RBPMS: variants seen among roughly 807,000 people sequenced by gnomAD.
RBPMS encodes RNA binding protein, mRNA processing factor, also known as RNA-binding protein with multiple splicing.
Under a neutral mutation model 26.8 loss-of-function variants are expected in RBPMS, and 7 were observed. The observed-to-expected ratio is 0.26, with a 90% CI of 0.15 to 0.49. The LOEUF is 0.49. RBPMS is among the 20% of genes least tolerant of loss of function. The probability of loss-of-function intolerance (pLI) is 0.98; values close to 1 mark genes in which losing one functional copy is unlikely to be tolerated. For missense variants in RBPMS, 186 were observed against 250.0 expected (o/e 0.74, Z 1.73); for synonymous variants, 96 against 93.3 (o/e 1.03, Z -0.17).
chr8:30,539,597 A>AT (rs570268546), intron 5 of RBPMS, among the ~76,000 whole-genome samples: 1,756 of 142,284 alleles, frequency 0.012, 35 homozygotes, highest in African/African-American at 0.039. Context: ...CAAATGGTTG[A>AT]TTTTTTTTTT....
rs557408295 is a variant in RBPMS, at chr8:30,513,642, C to T, written c.397+9206C>T. ...CAGGGACTCGAATCTCCTTGGATAT[C>T]ACATATTTCTATTGTAATGCAAATA... On this transcript the variant is annotated intron_variant, in intron 5 of 8. Transcript: ENST00000397323. 2.1e-5 allele frequency among the ~76,000 whole-genome samples: 3 copies of T among 145,914 alleles called. No individual in the cohort carries two copies. The South Asian group carries it at 6.8e-4, about 33-fold the overall frequency.
chr8:30,511,085 T>C (rs1462756568), intron 5 of RBPMS, among the ~76,000 whole-genome samples: 1 of 150,392 alleles, frequency 6.6e-6, no homozygotes, highest in Admixed American at 6.6e-5. Context: ...GCCGAGGTGA[T>C]CTCAAGTGAT....
chr8:30,545,124 G>A (rs780840861), intron 6 of RBPMS: 16 of 1,326,410 alleles, frequency 1.2e-5, no homozygotes, highest in Non-Finnish European at 1.6e-5. Flanking sequence ...TCTTAAATAT[G>A]TTACAGGAAA....
At chr8:30,554,293 A>G (rs1826649769) in intron 6 of RBPMS, among the ~76,000 whole-genome samples, 1 of 152,194 alleles carries the variant, frequency 6.6e-6, no homozygotes, top group Non-Finnish European at 1.5e-5. Context: ...TCTTAGATCC[A>G]CCAAATGCTA....
Position 30,566,286 on chromosome 8 carries a change from T to C in RBPMS, c.*37T>C. 1.0e-6 allele frequency: 1 copy of C among 985,980 alleles called. No homozygotes were observed. The highest frequency in any genetic ancestry group is 1.2e-6 in the Non-Finnish European group (1 of 830,028). 61.1% of individuals were successfully genotyped at this position (985,980 alleles called of 1,614,324 possible). A position where few individuals can be genotyped will look rare whatever the true frequency, so the allele number is the denominator to read the frequency against. On this transcript the variant is annotated 3_prime_UTR_variant, in exon 8 of 9. Transcript: ENST00000397323. ...CAGGTGTGTGATGGCGGCTGCAATCTGTCTTGTGGGTATTAATGCAATCTT... is the reference window on the plus strand; with the variant it reads ...CAGGTGTGTGATGGCGGCTGCAATCCGTCTTGTGGGTATTAATGCAATCTT...
intron 6 of RBPMS, chr8:30,547,454 A>T: frequency 6.3e-7 from 1 of 1,575,768 alleles, no homozygotes; most frequent in South Asian, 1.2e-5. Flanking sequence ...CCCCCCTTTC[A>T]CAAAAACTAT....
chr8:30,556,613 C>G lies in RBPMS; in HGVS notation c.529-2274C>G, dbSNP rs925857279. 12 of 986,318 alleles carry G rather than the reference C, an allele frequency of 1.2e-5. No homozygotes were observed. In the African/African-American group the frequency reaches 2.1e-4, roughly 17 times the overall value. 61.1% of individuals were successfully genotyped at this position (986,318 alleles called of 1,614,324 possible). On this transcript the variant is annotated intron_variant, in intron 6 of 8. Coordinates refer to ENST00000397323, the MANE Select transcript of RBPMS (RefSeq NM_001008710.3). ...ACCAGTCACACCACTGCGCTCCACA[C>G]TGACCCAGTGCACACAGACCCATCA...
chr8:30,565,643 G>A (rs1382283404), intron 7 of RBPMS: 1 of 152,264 alleles, frequency 6.6e-6, no homozygotes, highest in Non-Finnish European at 1.5e-5. Context: ...AGACCCTAGG[G>A]TACAAGTAGC....
chr8:30,511,914 C>T (rs1821760123), intron 5 of RBPMS, among the ~76,000 whole-genome samples: 1 of 152,122 alleles, frequency 6.6e-6, no homozygotes. Flanking sequence ...AGTTGAACCA[C>T]CAGATCGTTT....
At chr8:30,551,029 C>G (rs554450022) in intron 6 of RBPMS, among the ~76,000 whole-genome samples, 3 of 152,270 alleles carry the variant, frequency 2.0e-5, no homozygotes, top group East Asian at 1.9e-4. Flanking sequence ...TGCTAGTATT[C>G]TCCTCAGCCT....
chr8:30,387,232 TGTC>T (rs1237595957), intron 1 of RBPMS: 5 of 152,126 alleles, frequency 3.3e-5, no homozygotes, highest in African/African-American at 9.7e-5. Flanking sequence ...CCAAGAGAGA[TGTC>T]GTGTACAAAA....
intron 4 of RBPMS, among the ~76,000 whole-genome samples, chr8:30,490,036 T>C (rs1175354642): frequency 6.6e-6 from 1 of 150,994 alleles, no homozygotes; most frequent in Non-Finnish European, 1.5e-5. Context: ...ATGGTCTCGA[T>C]CTCCTGATTT....
chr8:30,393,456 G>C (rs1250304211), intron 1 of RBPMS, among the ~76,000 whole-genome samples: 1 of 151,998 alleles, frequency 6.6e-6, no homozygotes, highest in Non-Finnish European at 1.5e-5. Flanking sequence ...TTGGGGAAAA[G>C]GAAGAGTAGG....
At chr8:30,446,551 C>T (rs569778557) in intron 1 of RBPMS, among the ~76,000 whole-genome samples, 61 of 152,192 alleles carry the variant, frequency 4.0e-4, no homozygotes, top group African/African-American at 1.3e-3. Flanking sequence ...GTGGCTGCAG[C>T]GACAGAAAAC....
intron 6 of RBPMS, among the ~76,000 whole-genome samples, chr8:30,546,749 T>C (rs1563435601): frequency 6.6e-6 from 1 of 152,206 alleles, no homozygotes; most frequent in Non-Finnish European, 1.5e-5. Flanking sequence ...TATGAACAAA[T>C]ACGGTTATTT....
At chr8:30,414,580 C>T (rs1809838225) in intron 1 of RBPMS, among the ~76,000 whole-genome samples, 1 of 152,218 alleles carries the variant, frequency 6.6e-6, no homozygotes, top group Admixed American at 6.5e-5. Context: ...AAGATCAGTA[C>T]TAATCCGTCA....
chr8:30,456,323 G>A (rs924837510), intron 1 of RBPMS, among the ~76,000 whole-genome samples: 52 of 152,114 alleles, frequency 3.4e-4, no homozygotes, highest in Admixed American at 2.9e-3. Context: ...AAAGGTCATC[G>A]AAGGTCTGTG....
intron 5 of RBPMS, among the ~76,000 whole-genome samples, chr8:30,518,905 G>C (rs1412187872): frequency 6.6e-6 from 1 of 151,464 alleles, no homozygotes; most frequent in East Asian, 1.9e-4. Flanking sequence ...GGAAAATGAT[G>C]TTTTTCAGGT....
chr8:30,537,029 A>C (rs1278627079), intron 5 of RBPMS, among the ~76,000 whole-genome samples: 8 of 152,148 alleles, frequency 5.3e-5, no homozygotes, highest in Admixed American at 2.6e-4. Flanking sequence ...TCCTGGGGAA[A>C]CTCTGGGTAA....
Sources: gnomAD v4.1 joint callset for allele counts (sites outside exome capture counted in the v4.1 genomes callset) on GRCh38, gnomAD v4.1.1 for gene constraint, MANE v1.5 for transcripts, NCBI Gene and HGNC (gene_info 2026-07-23, HGNC 2026-07-21) for gene names.